Variants in MYO10 observed in about 807,000 individuals in gnomAD.
The protein encoded by MYO10 is myosin X.
Under a neutral mutation model 257.3 loss-of-function variants are expected in MYO10, and 133 were observed. The ratio of observed to expected loss-of-function variants is 0.52; its 90% CI spans 0.45 to 0.60. The LOEUF (loss-of-function observed/expected upper bound fraction) is 0.60, where lower values mean the gene tolerates loss of function less well. MYO10 is among the 20% of genes least tolerant of loss of function. The pLI is 0.00. For synonymous variants in MYO10, 1,104 were observed against 1,028.6 expected, an observed-to-expected ratio of 1.07 and a Z score of -1.40; for missense variants, 2,399 against 2,635.7, an observed-to-expected ratio of 0.91 and a Z score of 1.97.
At chr5:16,773,227 AT>A (rs1473357632) in intron 9 of MYO10, among the ~76,000 whole-genome samples, 7 of 152,344 alleles carry the variant, frequency 4.6e-5, no homozygotes, top group Admixed American at 2.0e-4. Flanking sequence ...AATTATTCAA[AT>A]TTAAAGATAT....
chr5:16,848,170 T>C (rs1743696179), intron 2 of MYO10, among the ~76,000 whole-genome samples: 1 of 149,742 alleles, frequency 6.7e-6, no homozygotes, highest in Non-Finnish European at 1.5e-5. Flanking sequence ...TTTTTTTTTT[T>C]TTTGTGAGAG....
chr5:16,784,676 C>T (rs6871895), intron 4 of MYO10, among the ~76,000 whole-genome samples: 3,052 of 152,264 alleles, frequency 0.02, 111 homozygotes, highest in African/African-American at 0.069. Flanking sequence ...CGCTGACAAC[C>T]GCTGAATGGT....
chr5:16,680,240 C>G (rs1455861418), intron 32 of MYO10, 136 bp from the exon 33 acceptor site: 3 of 1,058,846 alleles, frequency 2.8e-6, no homozygotes, highest in African/African-American at 3.2e-5. Context: ...TACATGTGTC[C>G]TGTCCTGCCC....
At chr5:16,676,645 G>A (rs1457294257) in intron 33 of MYO10, among the ~76,000 whole-genome samples, 9 of 152,178 alleles carry the variant, frequency 5.9e-5, no homozygotes, top group Non-Finnish European at 1.3e-4. Flanking sequence ...GAACCCGGGA[G>A]GCGGAGGTTG....
At chr5:16,929,264 A>G (rs1561065511) in intron 1 of MYO10, among the ~76,000 whole-genome samples, 2 of 152,270 alleles carry the variant, frequency 1.3e-5, no homozygotes, top group East Asian at 1.9e-4. Flanking sequence ...AATCAGTGGC[A>G]TGTTCAAAAG....
intron 17 of MYO10, 67 bp from the exon 18 acceptor site, chr5:16,758,293 A>C (rs748230323): frequency 3.6e-4 from 383 of 1,063,952 alleles, no homozygotes; most frequent in Non-Finnish European, 5.2e-4. Flanking sequence ...AGATTATTGT[A>C]ATTAATGGTG....
At chr5:16,692,631 G>A (rs1315946422) in intron 27 of MYO10, among the ~76,000 whole-genome samples, 1 of 152,090 alleles carries the variant, frequency 6.6e-6, no homozygotes, top group African/African-American at 2.4e-5. Context: ...TGCTGGGGGA[G>A]CGGACTGGAT....
chr5:16,680,087 C>G lies in MYO10; in HGVS notation c.4402G>C (p.Val1468Leu), dbSNP rs1364858364. ...FKETGYWNVT[V>L]YGRKHCYRLY... ...CGGTAACAGTGCTTGCGCCCGTACACGGTGACGTTCCAGTAGCCTGCAATG... is the reference window on the plus strand; with the variant it reads ...CGGTAACAGTGCTTGCGCCCGTACAGGGTGACGTTCCAGTAGCCTGCAATG... The change falls in exon 33 of 41, where the codon GTG (valine) becomes CTG (leucine). Residue 1468 changes from valine (V) to leucine (L), a missense_variant. Coordinates refer to ENST00000513610, the MANE Select transcript of MYO10 (RefSeq NM_012334.3). 6.2e-7 allele frequency: 1 copy of G among 1,611,108 alleles called. No homozygotes were observed. Among genetic ancestry groups the G allele is most frequent in the African/African-American group, 1.3e-5 (1 of 74,638 alleles).
intron 28 of MYO10, among the ~76,000 whole-genome samples, chr5:16,688,691 G>C (rs915791278): frequency 6.6e-6 from 1 of 150,478 alleles, no homozygotes; most frequent in African/African-American, 2.5e-5. Context: ...GGTGAGCCAA[G>C]ATTGCACCAG....
At chr5:16,868,535 C>T (rs530595045) in intron 2 of MYO10, among the ~76,000 whole-genome samples, 9 of 151,864 alleles carry the variant, frequency 5.9e-5, no homozygotes, top group African/African-American at 1.9e-4. Context: ...ACCCGGGAGG[C>T]GGAGGTTTGC....
intron 1 of MYO10, among the ~76,000 whole-genome samples, chr5:16,931,783 T>C (rs1418976916): frequency 1.3e-5 from 2 of 152,218 alleles, no homozygotes; most frequent in Admixed American, 6.5e-5. Flanking sequence ...CCTTCAGGAA[T>C]TGGTGATACA....
intron 3 of MYO10, among the ~76,000 whole-genome samples, chr5:16,806,493 A>G (rs1322260902): frequency 6.6e-6 from 1 of 151,976 alleles, no homozygotes; most frequent in Non-Finnish European, 1.5e-5. Context: ...ATATAAAAAA[A>G]TTAGCTGGGC....
chr5:16,814,229 C>T (rs1278659333), intron 3 of MYO10, among the ~76,000 whole-genome samples: 1 of 152,182 alleles, frequency 6.6e-6, no homozygotes, highest in Non-Finnish European at 1.5e-5. Flanking sequence ...GCAAGCTCCG[C>T]CTCCCGGGTT....
Position 16,715,651 on chromosome 5 carries a change from C to T in MYO10, c.1930-4406G>A, listed in dbSNP as rs540431156. 5.9e-5 allele frequency among the ~76,000 whole-genome samples: 9 copies of T among 151,526 alleles called. No homozygotes were observed. In the South Asian group the frequency reaches 1.3e-3, roughly 21 times the overall value. On this transcript the variant is annotated intron_variant, in intron 19 of 40. Transcript: ENST00000513610. Reference sequence around the variant, plus strand: ...AATGTTCTAAAATTGACTCTGGTGACGGCTGCACATATCTGTAAAAAATTT... The same window carrying T: ...AATGTTCTAAAATTGACTCTGGTGATGGCTGCACATATCTGTAAAAAATTT...
rs548114130 is a variant in MYO10 at position 16,715,310 on chromosome 5, G to C, written c.1930-4065C>G. On this transcript the variant is annotated intron_variant, in intron 19 of 40. Coordinates refer to ENST00000513610, the MANE Select transcript of MYO10 (RefSeq NM_012334.3). The stretch of plus-strand genomic sequence containing the variant: ...ATCCCTGCTCTAGCTACATATATGC[G>C]TATAAATGTAGTCATGTACCACATA... Among the ~76,000 whole-genome samples the C allele has an allele frequency of 1.0e-4, 15 of 150,260 alleles. 1 individual carries two copies. The highest frequency in any genetic ancestry group is 3.5e-3 in the Middle Eastern group (1 of 288).
chr5:16,867,299 C>A (rs1406471167), intron 2 of MYO10, among the ~76,000 whole-genome samples: 1 of 152,176 alleles, frequency 6.6e-6, no homozygotes, highest in African/African-American at 2.4e-5. Context: ...GACAGACCCG[C>A]CAGGCTGTCC....
At chr5:16,671,886 C>T (rs1736480835) in intron 37 of MYO10, among the ~76,000 whole-genome samples, 1 of 152,158 alleles carries the variant, frequency 6.6e-6, no homozygotes, top group Non-Finnish European at 1.5e-5. Context: ...GCCTCAGATA[C>T]ATTATGATAA....
chr5:16,865,587 G>C (rs1188429903), intron 2 of MYO10, among the ~76,000 whole-genome samples: 1 of 152,096 alleles, frequency 6.6e-6, no homozygotes, highest in Non-Finnish European at 1.5e-5. Context: ...GAGGTGGGTG[G>C]ATCACCTGAG....
intron 39 of MYO10, among the ~76,000 whole-genome samples, chr5:16,669,469 G>C (rs1454739805): frequency 6.6e-6 from 1 of 152,142 alleles, no homozygotes. Context: ...CTCCCAAAGC[G>C]CTGGGATTAC....
Sources: gnomAD v4.1 joint callset for allele counts (sites outside exome capture counted in the v4.1 genomes callset) on GRCh38, gnomAD v4.1.1 for gene constraint, MANE v1.5 for transcripts, NCBI Gene and HGNC (gene_info 2026-07-23, HGNC 2026-07-21) for gene names.